The following UGT1A10 variants were observed in gnomAD, a reference collection of about 807,000 sequenced individuals.
UGT1A10 encodes the protein UDP glucuronosyltransferase family 1 member A10, also known as UDP-glucuronosyltransferase 1A10.
UGT1A10 carries 49 observed loss-of-function variants against 45.8 expected under a neutral mutation model. The ratio of observed to expected loss-of-function variants is 1.07; its 90% CI spans 0.85 to 1.36. The LOEUF is 1.36. Among genes scored for constraint, UGT1A10 ranks in the 40% most tolerant of loss-of-function variants. The pLI, the probability that UGT1A10 is intolerant of heterozygous loss-of-function variation, is 0.00. For synonymous variants in UGT1A10, 284 were observed against 249.7 expected (o/e 1.14, Z -1.29); for missense variants, 745 against 668.6 (o/e 1.11, Z -1.26).
chr2:233,687,987 G>T (rs1377329144), intron 1 of UGT1A10, among the ~76,000 whole-genome samples: 1 of 152,150 alleles, frequency 6.6e-6, no homozygotes, highest in Non-Finnish European at 1.5e-5. Flanking sequence ...AAATTCAGTG[G>T]TTTTCTGTGT....
chr2:233,693,738 C>T (rs781371157), intron 1 of UGT1A10: 5 of 1,614,170 alleles, frequency 3.1e-6, no homozygotes, highest in Non-Finnish European at 3.4e-6. Context: ...GATATAATCA[C>T]CTTATATCAG....
intron 1 of UGT1A10, among the ~76,000 whole-genome samples, chr2:233,677,488 G>T (rs2074391808): frequency 6.6e-6 from 1 of 152,070 alleles, no homozygotes; most frequent in South Asian, 2.1e-4. Flanking sequence ...CACATAGTTT[G>T]TATGTTATTA....
intron 1 of UGT1A10, among the ~76,000 whole-genome samples, chr2:233,739,298 C>T (rs11691827): frequency 0.094 from 14,308 of 152,206 alleles, 1,367 homozygotes; most frequent in African/African-American, 0.26. Flanking sequence ...CACTGGGGCA[C>T]TGCCTAGTGG....
intron 1 of UGT1A10, chr2:233,747,324 T>G: frequency 1.2e-6 from 2 of 1,603,244 alleles, no homozygotes; most frequent in Non-Finnish European, 1.7e-6. Context: ...TACCCATTGA[T>G]GGCAGCCACT....
At chr2:233,670,363 A>G (rs546878869) in intron 1 of UGT1A10, among the ~76,000 whole-genome samples, 1 of 152,330 alleles carries the variant, frequency 6.6e-6, no homozygotes, top group Non-Finnish European at 1.5e-5. Flanking sequence ...TTACATCATA[A>G]TTATTATTTG....
intron 1 of UGT1A10, chr2:233,690,730 G>C (rs2075005257): frequency 8.3e-7 from 1 of 1,210,332 alleles, no homozygotes. Flanking sequence ...AGACATGCCA[G>C]ATTCCTCTGG....
At chr2:233,766,998 GA>G in intron 1 of UGT1A10, 35 bp from the exon 2 acceptor site, 1 of 1,613,532 alleles carries the variant, frequency 6.2e-7, no homozygotes, top group South Asian at 1.1e-5. Context: ...AAGAATATGA[GA>G]AAAAATTAAC....
intron 1 of UGT1A10, 51 bp downstream of exon 1, chr2:233,637,428 A>C: frequency 6.5e-7 from 1 of 1,548,340 alleles, no homozygotes; most frequent in South Asian, 1.3e-5. Flanking sequence ...TTTGGAAATT[A>C]AAAAAGGATT....
chr2:233,656,548 A>C (rs908825933), intron 1 of UGT1A10, among the ~76,000 whole-genome samples: 6 of 152,200 alleles, frequency 3.9e-5, no homozygotes, highest in Non-Finnish European at 7.3e-5. Flanking sequence ...TTATTCTTTA[A>C]GTGTAGGCGC....
rs142395215 is a variant in UGT1A10, at chr2:233,636,801, C to T, written c.279C>T (p.Phe93=). 2.5e-4 allele frequency: 396 copies of T among 1,614,192 alleles called. 2 individuals are homozygous for T. In the African/African-American group the frequency reaches 4.4e-3, roughly 18 times the overall value. Residue 93 remains phenylalanine (F), a synonymous_variant, in exon 1 of 5, where the codon TTC becomes TTT. Coordinates refer to ENST00000344644, the MANE Select transcript of UGT1A10 (RefSeq NM_019075.4). ...LEDQNREFMV[F]AHAQWKAQAQ... ...ATCAGAACCGGGAATTCATGGTTTT[C>T]GCCCATGCTCAATGGAAAGCACAGG...
chr2:233,652,281 A>G (rs1194855238), intron 1 of UGT1A10, among the ~76,000 whole-genome samples: 1 of 152,200 alleles, frequency 6.6e-6, no homozygotes, highest in African/African-American at 2.4e-5. Context: ...TTTTTTGTCA[A>G]AGTTTTCAAA....
In UGT1A10 at chr2:233,663,276, G is replaced by A. The variant is rs28970000; in HGVS notation, c.855+25899G>A. On this transcript the variant is annotated intron_variant, in intron 1 of 4. Transcript: ENST00000344644. The stretch of plus-strand genomic sequence containing the variant: ...TGCAGAACTAGCCGTGTGGTAGACC[G>A]GAGTTTTATTATTACTCAAATCAGT... Among the ~76,000 whole-genome samples, 1,041 of 152,294 alleles carry A rather than the reference G, an allele frequency of 6.8e-3. 10 individuals are homozygous for A. The highest frequency in any genetic ancestry group is 0.023 in the African/African-American group (969 of 41,568).
At chr2:233,668,053 G>C (rs1213067547) in intron 1 of UGT1A10, among the ~76,000 whole-genome samples, 3 of 107,630 alleles carry the variant, frequency 2.8e-5, no homozygotes, top group Non-Finnish European at 5.6e-5. Flanking sequence ...TTAGTTTACT[G>C]TGCACATTTT....
chr2:233,690,603 G>A (rs1332759487), intron 1 of UGT1A10: 13 of 1,289,150 alleles, frequency 1.0e-5, no homozygotes, highest in East Asian at 5.6e-5. Context: ...AAAAAAAATC[G>A]GCCTTTGCCT....
chr2:233,644,998 T>G (rs1049968531), intron 1 of UGT1A10, among the ~76,000 whole-genome samples: 1 of 152,160 alleles, frequency 6.6e-6, no homozygotes, highest in African/African-American at 2.4e-5. Context: ...ATTGAGAAGC[T>G]GAATTAGAGA....
In UGT1A10 at chr2:233,683,245, G is replaced by GT. The variant is rs555678771; in HGVS notation, c.855+45875dup. Among the ~76,000 whole-genome samples the GT allele has an allele frequency of 1.1e-4, 17 of 152,028 alleles. No individual in the cohort carries two copies. The South Asian group carries it at 3.3e-3, about 30-fold the overall frequency. ...TAAAATCTACTATCATGCTGGCTAT[G>GT]TTTTTTTATGTTAGATTTTTCTCTT... On this transcript the variant is annotated intron_variant, in intron 1 of 4. Transcript: ENST00000344644.
intron 1 of UGT1A10, among the ~76,000 whole-genome samples, chr2:233,669,977 G>A (rs1013324068): frequency 2.0e-5 from 3 of 151,938 alleles, no homozygotes; most frequent in Admixed American, 6.6e-5. Context: ...GAGCCACCAC[G>A]CCCAGCACAC....
At chr2:233,665,808 G>A (rs1359535546) in intron 1 of UGT1A10, among the ~76,000 whole-genome samples, 1 of 152,154 alleles carries the variant, frequency 6.6e-6, no homozygotes, top group East Asian at 1.9e-4. Flanking sequence ...CCCAACAGTG[G>A]AGTAGTTGTG....
At chr2:233,729,941 A>T (rs1478646241) in intron 1 of UGT1A10, 1 of 1,613,962 alleles carries the variant, frequency 6.2e-7, no homozygotes, top group African/African-American at 1.3e-5. Flanking sequence ...ATCATGCCCA[A>T]CATGGTCTTC....
Sources: gnomAD v4.1 joint callset for allele counts (sites outside exome capture counted in the v4.1 genomes callset) on GRCh38, gnomAD v4.1.1 for gene constraint, MANE v1.5 for transcripts, NCBI Gene and HGNC (gene_info 2026-07-23, HGNC 2026-07-21) for gene names.